The following CNNM3 variants were observed in gnomAD, a reference collection of about 807,000 sequenced individuals.
CNNM3 encodes metal transporter CNNM3.
CNNM3 carries 47 observed loss-of-function variants against 57.1 expected under a neutral mutation model. The observed-to-expected ratio is 0.82, with a 90% CI of 0.65 to 1.05. The LOEUF is 1.05. CNNM3 is among the 50% of genes least tolerant of loss of function. The pLI, the probability that CNNM3 is intolerant of heterozygous loss-of-function variation, is 0.00. For synonymous variants in CNNM3, 507 were observed against 478.2 expected (o/e 1.06, Z -0.79); for missense variants, 957 against 973.7 (o/e 0.98, Z 0.23).
In CNNM3 at chr2:96,826,935, C is replaced by G; in HGVS notation, c.1472C>G (p.Thr491Arg). The G allele has an allele frequency of 1.2e-6, 2 of 1,614,210 alleles. No homozygotes were observed. The highest frequency in any genetic ancestry group is 8.5e-7 in the Non-Finnish European group (1 of 1,180,028). ...GTGTCTGATGATGAATATAAAGTAA[C>G]AATCTCGCCTCAGCTGCTCTTGGCC... ...FKVSDDEYKV[T>R]ISPQLLLATQ... The change falls in exon 3 of 8, where the codon ACA becomes AGA. Residue 491 changes from threonine to arginine, a missense_variant. By Grantham distance (71) the Thr-to-Arg change is moderately conservative. Transcript: ENST00000305510.
chr2:96,828,916 C>A, intron 6 of CNNM3, 80 bp from the exon 7 acceptor site: 14 of 1,579,690 alleles, frequency 8.9e-6, no homozygotes, highest in Non-Finnish European at 1.2e-5. Context: ...CTGTCCTCTT[C>A]GGGCACGGTG....
At position 96,826,895 on chromosome 2, in the gene CNNM3, T is replaced by A; in HGVS notation, c.1432T>A (p.Phe478Ile). ...LMAPLKRKEE[F>I]SLFKVSDDEY... ...GGCCCCTCTGAAGCGGAAGGAGGAG[T>A]TCTCCTTGTTCAAGGTGTCTGATGA... Residue 478 changes from phenylalanine (F) to isoleucine (I), a missense_variant, in exon 3 of 8, where the codon TTC (phenylalanine) becomes ATC (isoleucine). Phe to Ile is a conservative substitution (Grantham distance 21). Coordinates refer to ENST00000305510, the MANE Select transcript of CNNM3 (RefSeq NM_017623.5). 1 of 1,614,130 alleles carries A rather than the reference T, an allele frequency of 6.2e-7. No homozygotes were observed. The highest frequency in any genetic ancestry group is 8.5e-7 in the Non-Finnish European group (1 of 1,180,022).
chr2:96,823,781 T>C (rs2079448042), intron 1 of CNNM3, among the ~76,000 whole-genome samples: 1 of 152,152 alleles, frequency 6.6e-6, no homozygotes, highest in Non-Finnish European at 1.5e-5. Flanking sequence ...TTTCCACTAG[T>C]GACAAACGAG....
At chr2:96,820,724 T>C (rs17635425) in intron 1 of CNNM3, among the ~76,000 whole-genome samples, 4,883 of 152,036 alleles carry the variant, frequency 0.032, 114 homozygotes, top group South Asian at 0.05. Context: ...ATGAATGAGG[T>C]GTGGAAAGGT....
At chr2:96,823,191 T>A (rs147971611) in intron 1 of CNNM3, among the ~76,000 whole-genome samples, 1 of 152,316 alleles carries the variant, frequency 6.6e-6, no homozygotes, top group African/African-American at 2.4e-5. Flanking sequence ...ATCATCCCAG[T>A]GTGGCAGGCC....
chr2:96,826,029 GCTTC>G (rs2079497467), intron 2 of CNNM3, among the ~76,000 whole-genome samples: 1 of 152,198 alleles, frequency 6.6e-6, no homozygotes, highest in Non-Finnish European at 1.5e-5. Flanking sequence ...TGCCCTGCAT[GCTTC>G]CAGAAGTATC....
intron 2 of CNNM3, among the ~76,000 whole-genome samples, chr2:96,826,027 A>T (rs933090162): frequency 6.6e-6 from 1 of 152,214 alleles, no homozygotes; most frequent in Admixed American, 6.5e-5. Context: ...CCTGCCCTGC[A>T]TGCTTCCAGA....
Position 96,832,919 on chromosome 2 carries a change from C to CCGGGGCAGGGA in CNNM3, c.*305_*315dup. 1 of 1,436,324 alleles carries CCGGGGCAGGGA rather than the reference C, an allele frequency of 7.0e-7. No individual in the cohort carries two copies. The highest frequency in any genetic ancestry group is 9.2e-7 in the Non-Finnish European group (1 of 1,083,504). The allele number at this position is 1,436,324 out of a possible 1,614,324, so 89.0% of individuals were successfully genotyped here. On this transcript the variant is annotated 3_prime_UTR_variant, in exon 8 of 8. Transcript: ENST00000305510. ...CAGGGCCCAGCCTTCCCCTTCTCCC[C>CCGGGGCAGGGA]CGGGGCAGGGACAGTGCGGCATATT...
At position 96,827,754 on chromosome 2, in the gene CNNM3, C is replaced by T. The variant is rs140550487; in HGVS notation, c.1543C>T (p.Arg515Cys). The T allele has an allele frequency of 4.1e-5, 66 of 1,613,962 alleles. No homozygotes were observed. The highest frequency in any genetic ancestry group is 1.3e-4 in the African/African-American group (10 of 74,934). ...AGAAGTGGATGTATTCAGCCCGCTG[C>T]GCATCTCTGAGAAGGTCCTGCTGCA... ...SREVDVFSPL[R>C]ISEKVLLHLL... The change falls in exon 4 of 8, where the codon CGC becomes TGC. Residue 515 changes from arginine (R) to cysteine (C), a missense_variant. Arg to Cys is a radical substitution (Grantham distance 180). This residue lies in a region of CNNM3 where 491 missense variants were observed against 570.6 expected (regional missense o/e 0.86). Transcript: ENST00000305510.
chr2:96,828,966 T>G, intron 6 of CNNM3, 30 bp from the exon 7 acceptor site: 2 of 1,609,788 alleles, frequency 1.2e-6, no homozygotes, highest in Non-Finnish European at 1.7e-6. Context: ...GCTTCACCAA[T>G]TGGGTCCCAG....
At chr2:96,827,106 T>C in intron 3 of CNNM3, 124 bp downstream of exon 3, 1 of 1,051,162 alleles carries the variant, frequency 9.5e-7, no homozygotes, top group Non-Finnish European at 1.4e-6. Context: ...TGAGGACTTC[T>C]GTGTTCTCTG....
At chr2:96,831,900 C>G in intron 7 of CNNM3, 8 of 876,676 alleles carry the variant, frequency 9.1e-6, no homozygotes, top group Non-Finnish European at 9.6e-6. Flanking sequence ...TGGTGCTGCC[C>G]GGAGCCAAGA....
At position 96,833,197 on chromosome 2, in the gene CNNM3, G is replaced by A. The variant is rs1433043545; in HGVS notation, c.*581G>A. On this transcript the variant is annotated 3_prime_UTR_variant, in exon 8 of 8. Transcript: ENST00000305510. The stretch of plus-strand genomic sequence containing the variant: ...GCCTTTCCCATGTGCCAAACCAGAA[G>A]CTCCACTGCCCGTAGGCTGTCCCTG... 3 of 392,248 alleles carry A rather than the reference G, an allele frequency of 7.6e-6. No individual in the cohort carries two copies. The highest frequency in any genetic ancestry group is 1.5e-5 in the Non-Finnish European group (3 of 204,884). 24.3% of individuals were successfully genotyped at this position (392,248 alleles called of 1,614,324 possible). A position where few individuals can be genotyped will look rare whatever the true frequency, so the allele number is the denominator to read the frequency against.
chr2:96,818,136 G>C (rs2079353241), intron 1 of CNNM3, among the ~76,000 whole-genome samples: 4 of 152,188 alleles, frequency 2.6e-5, no homozygotes, highest in Admixed American at 2.6e-4. Context: ...GCGCAGGCTG[G>C]AGTGCAGTGG....
chr2:96,828,464 A>G, intron 5 of CNNM3, 103 bp from the exon 6 acceptor site: 1 of 1,414,008 alleles, frequency 7.1e-7, no homozygotes, highest in Non-Finnish European at 9.8e-7. Context: ...CTCCAGAGTG[A>G]TTGGTGGGGT....
At position 96,835,238 on chromosome 2, in the gene CNNM3, C is replaced by T. The variant is rs1386820142; in HGVS notation, c.*2622C>T. ...TCACTCGGCGTCATTCTCGGGAGAT[C>T]ATCCAGGCATTGCATGTGTCAACAG... On this transcript the variant is annotated 3_prime_UTR_variant, in exon 8 of 8. Transcript: ENST00000305510. Among the ~76,000 whole-genome samples, 2 of 152,184 alleles carry T rather than the reference C, an allele frequency of 1.3e-5. No individual in the cohort carries two copies. The highest frequency in any genetic ancestry group is 4.8e-5 in the African/African-American group (2 of 41,444).
At position 96,816,720 on chromosome 2, in the gene CNNM3, C is replaced by A. The variant is rs1034611560; in HGVS notation, c.443C>A (p.Ala148Glu). Residue 148 changes from alanine to glutamate, a missense_variant, in exon 1 of 8, where the codon GCA becomes GAA. Physicochemically the swap from Ala to Glu is moderately radical, Grantham distance 107. This residue lies in a region of CNNM3 where 466 missense variants were observed against 403.1 expected (regional missense o/e 1.16). Coordinates refer to ENST00000305510, the MANE Select transcript of CNNM3 (RefSeq NM_017623.5). Reference sequence around the variant, plus strand: ...GGGGCGGCCGGGCTGCTGGCGCTGGCAGCGCTGGCGCGAGGCCTGCAGCTG... The same window carrying A: ...GGGGCGGCCGGGCTGCTGGCGCTGGAAGCGCTGGCGCGAGGCCTGCAGCTG... ...GLGAAGLLAL[A>E]ALARGLQLSA... The A allele has an allele frequency of 9.9e-7, 1 of 1,012,394 alleles. No individual in the cohort carries two copies. Among genetic ancestry groups the A allele is most frequent in the Non-Finnish European group, 1.2e-6 (1 of 849,626 alleles). 62.7% of individuals were successfully genotyped at this position (1,012,394 alleles called of 1,614,324 possible).
downstream of CNNM3, among the ~76,000 whole-genome samples, chr2:96,835,651 T>G (rs557785003): frequency 1.8e-4 from 27 of 152,220 alleles, no homozygotes; most frequent in African/African-American, 6.3e-4. Flanking sequence ...GTATTTTTAG[T>G]AGAGACGGGG....
intron 2 of CNNM3, among the ~76,000 whole-genome samples, chr2:96,826,204 A>G (rs1320739930): frequency 6.6e-6 from 1 of 151,852 alleles, no homozygotes; most frequent in Admixed American, 6.6e-5. Context: ...AGAGGCTGTT[A>G]TTATTTTTTA....
Sources: gnomAD v4.1 joint callset for allele counts (sites outside exome capture counted in the v4.1 genomes callset) on GRCh38, gnomAD v4.1.1 for gene constraint, gnomAD v4.1.1 regional missense constraint, MANE v1.5 for transcripts, NCBI Gene and HGNC (gene_info 2026-07-23, HGNC 2026-07-21) for gene names.